The following ANKRD36C variants were observed in gnomAD, a reference collection of about 807,000 sequenced individuals.
ANKRD36C encodes the protein ankyrin repeat domain-containing protein 36C.
Under a neutral mutation model 276.4 loss-of-function variants are expected in ANKRD36C, and 61 were observed. The ratio of observed to expected loss-of-function variants is 0.22; its 90% CI spans 0.18 to 0.27. ANKRD36C has a LOEUF of 0.27. Among genes scored for constraint, ANKRD36C ranks in the 10% least tolerant of loss-of-function variants. The pLI is 1.00. For synonymous variants in ANKRD36C, 483 were observed against 680.1 expected (o/e 0.71, Z 4.51); for missense variants, 1,447 against 2,032.3 (o/e 0.71, Z 5.54).
At chr2:95,865,000 A>C (rs995834310) in intron 60 of ANKRD36C, among the ~76,000 whole-genome samples, 3 of 152,078 alleles carry the variant, frequency 2.0e-5, no homozygotes, top group African/African-American at 7.2e-5. Flanking sequence ...AATCAAATGA[A>C]AATTTTAAAA....
chr2:95,983,149 A>T (rs1678954709), intron 3 of ANKRD36C, among the ~76,000 whole-genome samples: 2 of 150,888 alleles, frequency 1.3e-5, no homozygotes, highest in African/African-American at 2.4e-5. Context: ...AGCACCTGAC[A>T]TTGTCACCTG....
At position 95,882,475 on chromosome 2, in the gene ANKRD36C, G is replaced by A. The variant is rs544733093; in HGVS notation, c.3288C>T (p.Ala1096=). 4.3e-3 allele frequency: 6,693 copies of A among 1,550,594 alleles called. 266 individuals are homozygous for A. The African/African-American group carries it at 0.084, about 19-fold the overall frequency. ...TAAATGAAAGAGTAACTACCTTCTG[G>A]GCCGATTGTTTCTGAGGAGACACTG... is the stretch of plus-strand genomic sequence containing the variant. Residue 1096 remains alanine (A), a synonymous_variant, in exon 55 of 67, where the codon GCC becomes GCT. Transcript: ENST00000456556.
chr2:95,856,025 T>G, exon 63 of ANKRD36C: 1 of 1,611,384 alleles, frequency 6.2e-7, no homozygotes, highest in East Asian at 2.2e-5. Context: ...TTTGAAGGTC[T>G]TCATGCTTTC....
intron 16 of ANKRD36C, among the ~76,000 whole-genome samples, chr2:95,948,840 G>A (rs1678124587): frequency 6.6e-6 from 1 of 151,962 alleles, no homozygotes; most frequent in Non-Finnish European, 1.5e-5. Flanking sequence ...ATCCAATGCA[G>A]ACTCACCCTT....
rs1366662304 is a variant in ANKRD36C, at chr2:95,851,641, C to T, written c.5313+53G>A. 2.2e-6 allele frequency: 3 copies of T among 1,387,970 alleles called. No homozygotes were observed. The Admixed American group carries it at 6.0e-5, about 28-fold the overall frequency. The allele number at this position is 1,387,970 out of a possible 1,614,324, so 86.0% of individuals were successfully genotyped here. A position where few individuals can be genotyped will look rare whatever the true frequency, so the allele number is the denominator to read the frequency against. ...GACAAGGGATATTTAACCCGTCCTACTGGAAAAATAAAATTCCTTTTCAGT... is the reference window on the plus strand; with the variant it reads ...GACAAGGGATATTTAACCCGTCCTATTGGAAAAATAAAATTCCTTTTCAGT... On this transcript the variant is annotated intron_variant, in intron 66 of 66. Transcript: ENST00000456556.
At chr2:95,915,947 G>C in intron 38 of ANKRD36C, 33 bp downstream of exon 40, 1 of 1,539,694 alleles carries the variant, frequency 6.5e-7, no homozygotes, top group East Asian at 2.5e-5. Flanking sequence ...TATCTGGACT[G>C]AACATGACAT....
chr2:95,962,519 C>G lies in ANKRD36C; in HGVS notation c.828G>C (p.Lys276Asn), dbSNP rs770304547. The change falls in exon 7 of 67, where the codon AAG (lysine) becomes AAC (asparagine). Residue 276 changes from lysine to asparagine, a missense_variant and splice_region_variant. Transcript: ENST00000456556. The stretch of plus-strand genomic sequence containing the variant: ...AAAACAGAAATGAATGTGTAATTAC[C>G]TTCAAGGCTGGTTGTTTCTGAGAAG... 29 of 1,600,892 alleles carry G rather than the reference C, an allele frequency of 1.8e-5. No individual in the cohort carries two copies. In the African/African-American group the frequency reaches 2.8e-4, roughly 15 times the overall value.
intron 1 of ANKRD36C, among the ~76,000 whole-genome samples, chr2:95,990,358 CA>C (rs1402277325): frequency 6.6e-6 from 1 of 152,162 alleles, no homozygotes; most frequent in African/African-American, 2.4e-5. Flanking sequence ...GTAATTGCGG[CA>C]AAAACCGCAA....
intron 40 of ANKRD36C, among the ~76,000 whole-genome samples, chr2:95,912,876 C>T (rs560842508): frequency 7.3e-5 from 11 of 151,428 alleles, no homozygotes; most frequent in African/African-American, 2.7e-4. Context: ...TTAACTTGAC[C>T]AATAACCGAG....
chr2:95,880,667 G>A, intron 56 of ANKRD36C, 44 bp from the exon 77 acceptor site: 1 of 1,512,814 alleles, frequency 6.6e-7, no homozygotes, highest in Non-Finnish European at 9.0e-7. Flanking sequence ...TGTAAATATG[G>A]TAAGGCCAAC....
chr2:95,936,877 C>T (rs1428298220), intron 22 of ANKRD36C, among the ~76,000 whole-genome samples: 3 of 152,000 alleles, frequency 2.0e-5, no homozygotes, highest in Admixed American at 6.5e-5. Flanking sequence ...CTAACTTGTA[C>T]AAATTCCTTC....
Position 95,954,024 on chromosome 2 carries a change from C to G in ANKRD36C, c.1137-19G>C, listed in dbSNP as rs763094222. ...GAGACTCCTACAGAGCAAAAAGATA[C>G]AGCAAAAATGAGCACGTTCATTTCT... On this transcript the variant is annotated intron_variant, in intron 13 of 66. Transcript: ENST00000456556. 3 of 1,534,244 alleles carry G rather than the reference C, an allele frequency of 2.0e-6. No homozygotes were observed. The highest frequency in any genetic ancestry group is 2.6e-6 in the Non-Finnish European group (3 of 1,145,122).
intron 38 of ANKRD36C, among the ~76,000 whole-genome samples, chr2:95,915,625 C>A (rs61409777): frequency 0.36 from 54,599 of 151,200 alleles, 10,557 homozygotes; most frequent in East Asian, 0.66. Context: ...TGTTTTTAGC[C>A]CTATGATGTG....
intron 6 of ANKRD36C, among the ~76,000 whole-genome samples, chr2:95,970,620 C>T (rs1057239451): frequency 1.3e-5 from 2 of 152,092 alleles, no homozygotes; most frequent in African/African-American, 4.8e-5. Flanking sequence ...AATAGTATGA[C>T]TCTCTTGGCA....
intron 28 of ANKRD36C, among the ~76,000 whole-genome samples, chr2:95,925,891 A>C (rs1229863887): frequency 6.6e-6 from 1 of 151,644 alleles, no homozygotes. Flanking sequence ...AATCAATATC[A>C]AAGAAGGTAC....
chr2:95,890,114 G>A, intron 46 of ANKRD36C, 120 bp from the exon 67 acceptor site: 1 of 1,322,168 alleles, frequency 7.6e-7, no homozygotes, highest in Non-Finnish European at 1.1e-6. Flanking sequence ...GGCTTTGATG[G>A]CTTCTATATT....
At chr2:95,912,025 T>C (rs1676942398) in intron 42 of ANKRD36C, among the ~76,000 whole-genome samples, 1 of 151,450 alleles carries the variant, frequency 6.6e-6, no homozygotes, top group Non-Finnish European at 1.5e-5. Flanking sequence ...TCCATATTTC[T>C]TCCTCCCAAT....
chr2:95,902,921 G>C (rs1676698219), intron 42 of ANKRD36C: 1 of 1,588,118 alleles, frequency 6.3e-7, no homozygotes, highest in Non-Finnish European at 8.6e-7. Context: ...TTTTCCTCTG[G>C]CTATATTCAA....
exon 26 of ANKRD36C, chr2:95,929,105 T>C (rs1330572790): frequency 6.2e-7 from 1 of 1,603,764 alleles, no homozygotes; most frequent in Admixed American, 1.7e-5. Flanking sequence ...TTTATTTCTG[T>C]GGCTATATTT....
Sources: gnomAD v4.1 joint callset for allele counts (sites outside exome capture counted in the v4.1 genomes callset) on GRCh38, gnomAD v4.1.1 for gene constraint, MANE v1.5 for transcripts, NCBI Gene and HGNC (gene_info 2026-07-23, HGNC 2026-07-21) for gene names.